PARD3B: variants seen among roughly 807,000 people sequenced by gnomAD.
PARD3B encodes the protein par-3 family cell polarity regulator beta.
In PARD3B, 103 loss-of-function variants were observed where a neutral mutation model predicts 130.2. The observed-to-expected ratio is 0.79, with a 90% CI of 0.67 to 0.93. The LOEUF (loss-of-function observed/expected upper bound fraction) is 0.93. Among genes scored for constraint, PARD3B ranks in the 40% least tolerant of loss-of-function variants. The pLI, the probability that PARD3B is intolerant of heterozygous loss-of-function variation, is 0.00. For missense variants in PARD3B, 1,609 were observed against 1,499.2 expected, an observed-to-expected ratio of 1.07 and a Z score of -1.21; for synonymous variants, 583 against 553.2, an observed-to-expected ratio of 1.05 and a Z score of -0.76.
chr2:204,640,770 T>C (rs1318652059), intron 1 of PARD3B, among the ~76,000 whole-genome samples: 1 of 152,028 alleles, frequency 6.6e-6, no homozygotes, highest in Non-Finnish European at 1.5e-5. Flanking sequence ...CTTACTTTTT[T>C]GCAGTCAGTA....
At chr2:205,355,283 G>A (rs970476430) in intron 18 of PARD3B, among the ~76,000 whole-genome samples, 4 of 152,160 alleles carry the variant, frequency 2.6e-5, no homozygotes, top group African/African-American at 7.2e-5. Flanking sequence ...TTCTAATTAA[G>A]TGGGACTTTT....
chr2:205,097,830 CGT>C lies in PARD3B; in HGVS notation c.505-6569_505-6568del, dbSNP rs71939970. ...GCTATGTAGGTGTAAAATCTAGTGG[CGT>C]GTGTGTGTGTGTGTGTGTGTGTGTG... On this transcript the variant is annotated intron_variant, in intron 4 of 22. Coordinates refer to ENST00000406610, the MANE Select transcript of PARD3B (RefSeq NM_001302769.2). Among the ~76,000 whole-genome samples the C allele has an allele frequency of 6.8e-4, 103 of 150,476 alleles. 1 individual carries two copies. The highest frequency in any genetic ancestry group is 2.7e-3 in the East Asian group (14 of 5,094).
At chr2:205,226,759 T>C (rs1366905590) in intron 15 of PARD3B, among the ~76,000 whole-genome samples, 1 of 152,230 alleles carries the variant, frequency 6.6e-6, no homozygotes, top group South Asian at 2.1e-4. Flanking sequence ...CTGATTACTT[T>C]AGCTGTGTAG....
intron 1 of PARD3B, among the ~76,000 whole-genome samples, chr2:204,594,398 G>A (rs1360375545): frequency 6.6e-6 from 1 of 152,210 alleles, no homozygotes; most frequent in African/African-American, 2.4e-5. Flanking sequence ...CTCTAAGTAG[G>A]ATGTGAAAGA....
chr2:204,578,804 A>G (rs1007101018), intron 1 of PARD3B, among the ~76,000 whole-genome samples: 2 of 152,060 alleles, frequency 1.3e-5, no homozygotes, highest in African/African-American at 4.8e-5. Flanking sequence ...ATCTTGAACT[A>G]TGCACTCTAC....
At chr2:205,546,180 A>T (rs1575320120) in intron 21 of PARD3B, among the ~76,000 whole-genome samples, 1 of 152,202 alleles carries the variant, frequency 6.6e-6, no homozygotes, top group Non-Finnish European at 1.5e-5. Flanking sequence ...TAATCCAGCC[A>T]AAGAGGGTCA....
At chr2:204,663,484 A>G (rs973906673) in intron 1 of PARD3B, among the ~76,000 whole-genome samples, 2 of 152,256 alleles carry the variant, frequency 1.3e-5, no homozygotes, top group African/African-American at 4.8e-5. Context: ...TTTTTACCAG[A>G]TAAAGGAAAT....
At chr2:204,811,763 A>T (rs564886741) in intron 2 of PARD3B, among the ~76,000 whole-genome samples, 1 of 152,130 alleles carries the variant, frequency 6.6e-6, no homozygotes, top group Non-Finnish European at 1.5e-5. Flanking sequence ...CTAAAGCTTT[A>T]GCAGGTTGGG....
At chr2:205,553,987 A>C (rs2052767446) in intron 22 of PARD3B, among the ~76,000 whole-genome samples, 1 of 152,148 alleles carries the variant, frequency 6.6e-6, no homozygotes, top group African/African-American at 2.4e-5. Context: ...GTAACTCAAC[A>C]CCCTTGAAAA....
chr2:205,282,954 G>A (rs2041247970), intron 16 of PARD3B, among the ~76,000 whole-genome samples: 2 of 152,178 alleles, frequency 1.3e-5, no homozygotes, highest in Admixed American at 1.3e-4. Context: ...GCTGAGCCCT[G>A]GTTGGTTGAT....
At chr2:205,501,203 T>C (rs988066512) in intron 21 of PARD3B, among the ~76,000 whole-genome samples, 1 of 152,132 alleles carries the variant, frequency 6.6e-6, no homozygotes, top group Admixed American at 6.6e-5. Context: ...GCCCAGAAGA[T>C]TGCACCTGTA....
At chr2:205,332,513 TGAG>T (rs1339372475) in intron 18 of PARD3B, among the ~76,000 whole-genome samples, 1 of 151,926 alleles carries the variant, frequency 6.6e-6, no homozygotes, top group Non-Finnish European at 1.5e-5. Context: ...CAGAGAGAAA[TGAG>T]GAGAAATAAG....
At chr2:204,794,797 C>T (rs982858486) in intron 2 of PARD3B, among the ~76,000 whole-genome samples, 11 of 152,224 alleles carry the variant, frequency 7.2e-5, no homozygotes, top group African/African-American at 2.7e-4. Flanking sequence ...CCAGCTTCAG[C>T]ACACCGCTGA....
At chr2:205,539,255 G>A (rs142004331) in intron 21 of PARD3B, among the ~76,000 whole-genome samples, 1 of 152,314 alleles carries the variant, frequency 6.6e-6, no homozygotes, top group East Asian at 1.9e-4. Flanking sequence ...CACAACACCT[G>A]CCTTTGTCCT....
At chr2:205,233,977 CATA>C (rs1290234098) in intron 15 of PARD3B, among the ~76,000 whole-genome samples, 1 of 151,858 alleles carries the variant, frequency 6.6e-6, no homozygotes, top group Non-Finnish European at 1.5e-5. Flanking sequence ...GTAAGATATA[CATA>C]ATAACAAAAG....
chr2:205,361,134 C>T (rs373116015), intron 18 of PARD3B, among the ~76,000 whole-genome samples: 5 of 152,082 alleles, frequency 3.3e-5, no homozygotes, highest in African/African-American at 4.8e-5. Context: ...GAGACTAATG[C>T]GTAAAGCAAA....
At chr2:205,234,221 G>A (rs1216875284) in intron 15 of PARD3B, among the ~76,000 whole-genome samples, 1 of 152,204 alleles carries the variant, frequency 6.6e-6, no homozygotes, top group Non-Finnish European at 1.5e-5. Context: ...TTGGGAGGCT[G>A]AGGCAGGAGG....
intron 20 of PARD3B, among the ~76,000 whole-genome samples, chr2:205,493,496 T>A (rs1314087028): frequency 6.6e-6 from 1 of 152,028 alleles, no homozygotes; most frequent in Non-Finnish European, 1.5e-5. Flanking sequence ...TAATTAACAA[T>A]CTTAAAGGAA....
At chr2:204,982,259 A>C (rs535373213) in intron 3 of PARD3B, among the ~76,000 whole-genome samples, 2 of 152,322 alleles carry the variant, frequency 1.3e-5, no homozygotes, top group African/African-American at 2.4e-5. Flanking sequence ...TATCTTGAAA[A>C]GATAAATCAT....
Sources: allele counts gnomAD v4.1 joint callset (sites outside exome capture counted in the v4.1 genomes callset), GRCh38; gene constraint gnomAD v4.1.1; transcripts MANE v1.5; gene names NCBI Gene and HGNC (gene_info 2026-07-23, HGNC 2026-07-21).